Variants in KCTD1 observed in about 807,000 individuals in gnomAD.
KCTD1 encodes the protein potassium channel tetramerization domain containing 1, also known as BTB/POZ domain-containing protein KCTD1.
A neutral mutation model predicts 66.0 loss-of-function variants in KCTD1; 24 were observed. That is an observed-to-expected ratio of 0.36 (90% CI 0.26 to 0.51). KCTD1 has a LOEUF of 0.51. KCTD1 is among the 20% of genes least tolerant of loss of function. The pLI is 0.95. For synonymous variants in KCTD1, 511 were observed against 517.2 expected (o/e 0.99, Z 0.16); for missense variants, 943 against 1,205.2 (o/e 0.78, Z 3.22).
chr18:26,644,965 C>T (rs564512313), upstream of KCTD1, among the ~76,000 whole-genome samples: 22 of 152,262 alleles, frequency 1.4e-4, no homozygotes, highest in African/African-American at 5.1e-4. Flanking sequence ...GGGTTGCCCA[C>T]ATGAAGCAGA....
chr18:26,463,770 C>T (rs533080137), intron 3 of KCTD1, among the ~76,000 whole-genome samples: 1 of 152,362 alleles, frequency 6.6e-6, no homozygotes, highest in African/African-American at 2.4e-5. Flanking sequence ...CTTCTGACCT[C>T]ATGTGATCCA....
intron 1 of KCTD1, among the ~76,000 whole-genome samples, chr18:26,627,302 G>A (rs1987524132): frequency 7.8e-6 from 1 of 127,542 alleles, no homozygotes; most frequent in Non-Finnish European, 1.7e-5. Context: ...GTGTGTGTGT[G>A]CCTATAACAA....
At chr18:26,519,098 A>T (rs1282652187) in intron 1 of KCTD1, among the ~76,000 whole-genome samples, 1 of 152,220 alleles carries the variant, frequency 6.6e-6, no homozygotes, top group Non-Finnish European at 1.5e-5. Context: ...AAGCTTTTTA[A>T]ATACAAATTC....
At chr18:26,465,120 C>T (rs969056834) in intron 3 of KCTD1, among the ~76,000 whole-genome samples, 2 of 152,084 alleles carry the variant, frequency 1.3e-5, no homozygotes, top group Non-Finnish European at 2.9e-5. Flanking sequence ...TTTCTCTCTC[C>T]TTGTCCAGGC....
chr18:26,548,849 G>A, upstream of KCTD1: 2 of 1,023,698 alleles, frequency 2.0e-6, no homozygotes, highest in Non-Finnish European at 2.3e-6. Flanking sequence ...AAAAGGAAAG[G>A]GAGGGAGAGC....
At chr18:26,584,972 C>T (rs1044798945) in intron 1 of KCTD1, among the ~76,000 whole-genome samples, 4 of 152,102 alleles carry the variant, frequency 2.6e-5, no homozygotes, top group Admixed American at 6.6e-5. Context: ...AGCTGAGGGA[C>T]TGTGGGGGTG....
At chr18:26,500,499 C>T (rs1413492543) in intron 2 of KCTD1, among the ~76,000 whole-genome samples, 4 of 152,110 alleles carry the variant, frequency 2.6e-5, no homozygotes, top group African/African-American at 9.7e-5. Context: ...TGTATACTGC[C>T]TACTTGTAAA....
At chr18:26,651,318 G>T (rs1332239211) in intron 1 of KCTD1, among the ~76,000 whole-genome samples, 1 of 151,482 alleles carries the variant, frequency 6.6e-6, no homozygotes, top group South Asian at 2.1e-4. Context: ...GCTAATGGGG[G>T]CTAATGGCAG....
At chr18:26,482,803 G>C (rs1981717537) in intron 2 of KCTD1, among the ~76,000 whole-genome samples, 1 of 152,230 alleles carries the variant, frequency 6.6e-6, no homozygotes, top group South Asian at 2.1e-4. Flanking sequence ...CATTGCTGCA[G>C]GATGGACCAA....
intron 2 of KCTD1, among the ~76,000 whole-genome samples, chr18:26,478,911 C>A (rs1268845975): frequency 6.6e-6 from 1 of 152,148 alleles, no homozygotes; most frequent in African/African-American, 2.4e-5. Context: ...TCTATAAAAG[C>A]AGCTCTTAAA....
At chr18:26,481,517 GC>G (rs1981647064) in intron 2 of KCTD1, among the ~76,000 whole-genome samples, 1 of 152,174 alleles carries the variant, frequency 6.6e-6, no homozygotes, top group South Asian at 2.1e-4. Flanking sequence ...ATCGTAAAAA[GC>G]CATGTGAGCC....
intron 2 of KCTD1, among the ~76,000 whole-genome samples, chr18:26,478,628 C>T (rs1489702923): frequency 6.6e-6 from 1 of 152,144 alleles, no homozygotes; most frequent in African/African-American, 2.4e-5. Context: ...TGTACGCTTG[C>T]ACAGAATGAG....
intron 1 of KCTD1, among the ~76,000 whole-genome samples, chr18:26,568,715 T>C (rs1329170901): frequency 6.6e-6 from 1 of 152,206 alleles, no homozygotes; most frequent in Non-Finnish European, 1.5e-5. Context: ...GCCAACACTC[T>C]GTTTGCTTCC....
At chr18:26,470,899 G>A (rs1030096054) in intron 3 of KCTD1, among the ~76,000 whole-genome samples, 1 of 152,322 alleles carries the variant, frequency 6.6e-6, no homozygotes, top group East Asian at 1.9e-4. Context: ...GCAAGAGGAG[G>A]GTGTGTCTGA....
intron 1 of KCTD1, among the ~76,000 whole-genome samples, chr18:26,501,856 T>A (rs1468879091): frequency 1.6e-4 from 25 of 152,170 alleles, no homozygotes; most frequent in Admixed American, 1.6e-3. Context: ...CCTCAAATGA[T>A]AAATATGTGC....
intron 3 of KCTD1, among the ~76,000 whole-genome samples, chr18:26,469,298 A>G (rs1980924963): frequency 6.6e-6 from 1 of 152,114 alleles, no homozygotes; most frequent in Non-Finnish European, 1.5e-5. Flanking sequence ...AGCACGCAAA[A>G]GGTGCAGAGA....
At chr18:26,501,387 CT>C in intron 1 of KCTD1, 137 bp from the exon 2 acceptor site, 1 of 724,326 alleles carries the variant, frequency 1.4e-6, no homozygotes. Context: ...CAAGCTCTTG[CT>C]TTTGTTATAA....
rs1311161600 is a variant in KCTD1 at position 26,604,455 on chromosome 18, CA to C, written c.-16+24691del. 2.0e-5 allele frequency among the ~76,000 whole-genome samples: 3 copies of C among 152,310 alleles called. No homozygotes were observed. The South Asian group carries it at 6.2e-4, about 32-fold the overall frequency. On this transcript the variant is annotated intron_variant, in intron 1 of 4. Coordinates refer to the KCTD1 transcript ENST00000317932. ...AATCATTTTACCATAAAGACACATG[CA>C]CACAAATGTTTACTGCAGGACTATT...
chr18:26,609,182 G>C (rs1389882596), intron 1 of KCTD1, among the ~76,000 whole-genome samples: 1 of 152,074 alleles, frequency 6.6e-6, no homozygotes, highest in Non-Finnish European at 1.5e-5. Flanking sequence ...ATAATGCAAT[G>C]AACAAGTCCT....
Sources: allele counts gnomAD v4.1 joint callset (sites outside exome capture counted in the v4.1 genomes callset), GRCh38; gene constraint gnomAD v4.1.1; transcripts MANE v1.5; gene names NCBI Gene and HGNC (gene_info 2026-07-23, HGNC 2026-07-21).